The following MON2 variants were observed in gnomAD, a reference collection of about 807,000 sequenced individuals.
MON2 encodes protein MON2 homolog.
A neutral mutation model predicts 208.6 loss-of-function variants in MON2; 84 were observed. The ratio of observed to expected loss-of-function variants is 0.40; its 90% CI spans 0.34 to 0.48. The LOEUF is 0.48. Among genes scored for constraint, MON2 ranks in the 20% least tolerant of loss-of-function variants. MON2 has a pLI of 0.59. For synonymous variants in MON2, 660 were observed against 694.0 expected (o/e 0.95, Z 0.77); for missense variants, 1,611 against 2,015.4 (o/e 0.80, Z 3.84).
intron 32 of MON2, among the ~76,000 whole-genome samples, chr12:62,585,065 GCACA>G (rs57834850): frequency 0.27 from 26,991 of 98,558 alleles, 3,949 homozygotes; most frequent in Admixed American, 0.34. Flanking sequence ...CTCTCTACAT[GCACA>G]CACACACACA....
intron 15 of MON2, 85 bp from the exon 16 acceptor site, chr12:62,537,515 CTT>C (rs1377025284): frequency 2.0e-6 from 2 of 1,005,098 alleles, no homozygotes; most frequent in Non-Finnish European, 2.9e-6. Context: ...TTAAAAAAAT[CTT>C]TTAACACATT....
At chr12:62,555,824 A>G (rs1339652790) in intron 24 of MON2, among the ~76,000 whole-genome samples, 170 bp from the exon 25 acceptor site, 1 of 151,900 alleles carries the variant, frequency 6.6e-6, no homozygotes, top group African/African-American at 2.4e-5. Flanking sequence ...AAAAAAAAAA[A>G]AAGAATGTAT....
intron 23 of MON2, among the ~76,000 whole-genome samples, chr12:62,551,768 A>G (rs2073758414): frequency 6.6e-6 from 1 of 152,252 alleles, no homozygotes; most frequent in Non-Finnish European, 1.5e-5. Context: ...ATAAACATGC[A>G]CAGAATTGTT....
At chr12:62,586,632 T>G (rs1201522502) in intron 33 of MON2, among the ~76,000 whole-genome samples, 1 of 152,200 alleles carries the variant, frequency 6.6e-6, no homozygotes, top group Non-Finnish European at 1.5e-5. Flanking sequence ...ACTTAAATTA[T>G]AACTCCTTAT....
At chr12:62,581,181 G>A (rs2074991111) in intron 32 of MON2, among the ~76,000 whole-genome samples, 1 of 152,168 alleles carries the variant, frequency 6.6e-6, no homozygotes, top group South Asian at 2.1e-4. Context: ...CCTTAATTGG[G>A]AACTGATATA....
chr12:62,538,477 C>A lies in MON2; in HGVS notation c.2336C>A (p.Ala779Glu). ...GCACTTTGCTCCTTGTCTCTAGAAGCAATGGATATGGCCTATGGAAATAAT... is the reference window on the plus strand; with the variant it reads ...GCACTTTGCTCCTTGTCTCTAGAAGAAATGGATATGGCCTATGGAAATAAT... ...INALCSLSLEAMDMAYGNNKE... is the reference protein window; with the variant it reads ...INALCSLSLEEMDMAYGNNKE... Residue 779 changes from alanine (A) to glutamate (E), a missense_variant, in exon 19 of 35, where the codon GCA becomes GAA. Coordinates refer to ENST00000393630, the MANE Select transcript of MON2 (RefSeq NM_015026.3). 1 of 1,607,272 alleles carries A rather than the reference C, an allele frequency of 6.2e-7. No homozygotes were observed. Among genetic ancestry groups the A allele is most frequent in the Non-Finnish European group, 8.5e-7 (1 of 1,174,348 alleles).
intron 29 of MON2, among the ~76,000 whole-genome samples, chr12:62,570,762 C>G (rs1010044957): frequency 4.9e-5 from 5 of 102,622 alleles, no homozygotes; most frequent in Admixed American, 1.6e-4. Context: ...GAGACAGAGT[C>G]TCACTCTGTT....
rs1000868257 is a variant in MON2 at position 62,594,399 on chromosome 12, T to G, written c.*1650T>G. 6.6e-6 allele frequency: 1 copy of G among 152,196 alleles called. No homozygotes were observed. The highest frequency in any genetic ancestry group is 2.4e-5 in the African/African-American group (1 of 41,466). The allele number at this position is 152,196 out of a possible 1,614,324, so 9.4% of individuals were successfully genotyped here. ...TTACATGAATTACTGAATTTCTATT[T>G]TATTATTTCACCTAAAATTAAGGTA... On this transcript the variant is annotated 3_prime_UTR_variant, in exon 35 of 35. Transcript: ENST00000393630.
At chr12:62,491,350 C>A (rs940694024) in intron 2 of MON2, among the ~76,000 whole-genome samples, 2 of 152,116 alleles carry the variant, frequency 1.3e-5, no homozygotes, top group African/African-American at 4.8e-5. Flanking sequence ...AAGAAAAATT[C>A]TAAGTGATTA....
chr12:62,552,523 A>G (rs974241716), intron 23 of MON2, among the ~76,000 whole-genome samples: 1 of 152,112 alleles, frequency 6.6e-6, no homozygotes, highest in South Asian at 2.1e-4. Context: ...TAGGGTGATA[A>G]TGATATTATA....
chr12:62,580,433 T>G lies in MON2; in HGVS notation c.4699+13T>G, dbSNP rs2074961901. 6.3e-7 allele frequency: 1 copy of G among 1,578,568 alleles called. No homozygotes were observed. The highest frequency in any genetic ancestry group is 1.4e-5 in the African/African-American group (1 of 73,674). ...TCTTCATTTACAGGTATGTTAATTT[T>G]TTTAAGTATTAAAAAGTATTGAAGT... On this transcript the variant is annotated intron_variant, in intron 32 of 34. Transcript: ENST00000393630.
intron 8 of MON2, among the ~76,000 whole-genome samples, chr12:62,521,537 G>A (rs905626804): frequency 6.6e-6 from 1 of 152,100 alleles, no homozygotes; most frequent in African/African-American, 2.4e-5. Context: ...GGGGCCCAGG[G>A]ACCACACTTT....
rs999840416 is a variant in MON2, at chr12:62,600,467, G to C, written c.*7718G>C. 6.6e-6 allele frequency: 1 copy of C among 152,220 alleles called. No individual in the cohort carries two copies. 9.4% of individuals were successfully genotyped at this position (152,220 alleles called of 1,614,324 possible). A position where few individuals can be genotyped will look rare whatever the true frequency, so the allele number is the denominator to read the frequency against. On this transcript the variant is annotated 3_prime_UTR_variant, in exon 35 of 35. Transcript: ENST00000393630. The stretch of plus-strand genomic sequence containing the variant: ...CAAGACTATACAATTAAATACTGGT[G>C]TATCACTAACAACTGTTTAGACCCT...
intron 29 of MON2, among the ~76,000 whole-genome samples, chr12:62,570,221 C>T (rs961633295): frequency 4.6e-5 from 7 of 152,116 alleles, no homozygotes; most frequent in Non-Finnish European, 8.8e-5. Context: ...TACTTAGTCA[C>T]TATATATCTA....
chr12:62,467,733 AT>A (rs1418860821), intron 1 of MON2, among the ~76,000 whole-genome samples: 8 of 152,316 alleles, frequency 5.3e-5, no homozygotes, highest in African/African-American at 1.9e-4. Flanking sequence ...ATTGGAAACA[AT>A]TTTCCTTCTG....
In MON2 at chr12:62,532,617, C is replaced by T. The variant is rs762869015; in HGVS notation, c.1580C>T (p.Ser527Leu). ...GAAGAAGGTTCTTCACCAACACAGT[C>T]GACAGAACAGCAGGATTTACAGTCA... is the stretch of plus-strand genomic sequence containing the variant. ...TTEEGSSPTQ[S>L]TEQQDLQSTS... is the part of the protein sequence containing the mutation. The change falls in exon 12 of 35, where the codon TCG (serine) becomes TTG (leucine). Residue 527 changes from serine (S) to leucine (L), a missense_variant. Physicochemically the swap from Ser to Leu is moderately radical, Grantham distance 145. Coordinates refer to ENST00000393630, the MANE Select transcript of MON2 (RefSeq NM_015026.3). 23 of 1,613,810 alleles carry T rather than the reference C, an allele frequency of 1.4e-5. No homozygotes were observed. The highest frequency in any genetic ancestry group is 2.2e-5 in the East Asian group (1 of 44,868).
At position 62,525,187 on chromosome 12, in the gene MON2, C is replaced by G. The variant is rs1443646406; in HGVS notation, c.1213C>G (p.Pro405Ala). The change falls in exon 10 of 35, where the codon CCT becomes GCT. Residue 405 changes from proline to alanine, a missense_variant. Coordinates refer to ENST00000393630, the MANE Select transcript of MON2 (RefSeq NM_015026.3). ...TATACAGTCCTTGTTTCTTGTCCCC[C>G]CTACTGGAAATCCTGCAACAAGCAA... ...SFIQSLFLVP[P>A]TGNPATSNQA... The G allele has an allele frequency of 2.5e-6, 4 of 1,613,336 alleles. No homozygotes were observed. The highest frequency in any genetic ancestry group is 1.7e-4 in the Middle Eastern group (1 of 6,058).
At chr12:62,470,766 A>G in intron 1 of MON2, 2 of 1,094,528 alleles carry the variant, frequency 1.8e-6, no homozygotes, top group South Asian at 2.2e-5. Context: ...TAGCAGAGGA[A>G]ATAGCACACG....
intron 6 of MON2, 140 bp from the exon 7 acceptor site, chr12:62,501,433 G>T: frequency 1.2e-6 from 1 of 853,634 alleles, no homozygotes; most frequent in South Asian, 2.0e-5. Context: ...GTCAAAATTG[G>T]AATTACCAGT....
Sources: allele counts gnomAD v4.1 joint callset (sites outside exome capture counted in the v4.1 genomes callset), GRCh38; gene constraint gnomAD v4.1.1; transcripts MANE v1.5; gene names NCBI Gene and HGNC (gene_info 2026-07-23, HGNC 2026-07-21).